RFXAP: variants seen among roughly 807,000 people sequenced by gnomAD.
The protein encoded by RFXAP is regulatory factor X-associated protein.
A neutral mutation model predicts 25.7 loss-of-function variants in RFXAP; 21 were observed. The observed-to-expected ratio is 0.82, with a 90% CI of 0.58 to 1.18. The LOEUF is 1.18. Ranked by LOEUF, RFXAP falls within the 50% of genes most tolerant of loss-of-function variation. RFXAP has a pLI of 0.00. For synonymous variants in RFXAP, 161 were observed against 152.2 expected (o/e 1.06, Z -0.43); for missense variants, 333 against 363.0 (o/e 0.92, Z 0.67).
rs2057975973 is a variant in RFXAP at position 36,825,672 on chromosome 13, T to A, written c.708+137T>A. The A allele has an allele frequency of 5.0e-5, 28 of 560,086 alleles. No individual in the cohort carries two copies. The South Asian group carries it at 6.1e-4, about 12-fold the overall frequency. 34.7% of individuals were successfully genotyped at this position (560,086 alleles called of 1,614,324 possible). On this transcript the variant is annotated intron_variant, in intron 2 of 2. Coordinates refer to ENST00000255476, the MANE Select transcript of RFXAP (RefSeq NM_000538.4). ...ATAAATTCCTAATAAGTCAAAATTT[T>A]AAAAAAAGAATCGGAACTTTACCTC...
intron 1 of RFXAP, among the ~76,000 whole-genome samples, chr13:36,822,082 CT>C (rs931440843): frequency 3.3e-5 from 5 of 151,408 alleles, no homozygotes; most frequent in African/African-American, 1.2e-4. Flanking sequence ...AAAAATAATA[CT>C]TTTTTTCTTT....
chr13:36,825,385 A>ACGT, intron 1 of RFXAP, 43 bp from the exon 2 acceptor site: 1 of 1,339,628 alleles, frequency 7.5e-7, no homozygotes, highest in East Asian at 2.3e-5. Context: ...ATGACTTATT[A>ACGT]CGTTAACTGT....
chr13:36,819,270 T>G lies in RFXAP; in HGVS notation c.-88T>G. 5.1e-6 allele frequency: 6 copies of G among 1,172,672 alleles called. No homozygotes were observed. Among genetic ancestry groups the G allele is most frequent in the Non-Finnish European group, 6.4e-6 (6 of 938,312 alleles). 72.6% of individuals were successfully genotyped at this position (1,172,672 alleles called of 1,614,324 possible). On this transcript the variant is annotated 5_prime_UTR_variant, in exon 1 of 3. Coordinates refer to ENST00000255476, the MANE Select transcript of RFXAP (RefSeq NM_000538.4). ...GGTATAGGCGCCTTTTACCCCAGCG[T>G]GTCCTGAGTCTTTGGTTCGCGAAGT...
At chr13:36,823,507 ATGG>A (rs1292692671) in intron 1 of RFXAP, among the ~76,000 whole-genome samples, 3 of 152,162 alleles carry the variant, frequency 2.0e-5, no homozygotes, top group African/African-American at 7.2e-5. Context: ...TCCTACCCTG[ATGG>A]AGTGGGTTAA....
At position 36,819,589 on chromosome 13, in the gene RFXAP, G is replaced by A. The variant is rs777571548; in HGVS notation, c.232G>A (p.Ala78Thr). ...GKPVRYLCEG[A>T]GDGEEEAGED... ...GCCCGTTAGGTACCTGTGCGAAGGGGCCGGGGATGGCGAAGAGGAGGCTGG... is the reference window on the plus strand; with the variant it reads ...GCCCGTTAGGTACCTGTGCGAAGGGACCGGGGATGGCGAAGAGGAGGCTGG... Residue 78 changes from alanine (A) to threonine (T), a missense_variant, in exon 1 of 3, where the codon GCC becomes ACC. Physicochemically the swap from Ala to Thr is moderately conservative, Grantham distance 58 (BLOSUM62 0). Coordinates refer to ENST00000255476, the MANE Select transcript of RFXAP (RefSeq NM_000538.4). 3.9e-6 allele frequency: 6 copies of A among 1,535,274 alleles called. No individual in the cohort carries two copies. The highest frequency in any genetic ancestry group is 2.0e-5 in the Admixed American group (1 of 49,380).
At chr13:36,821,667 C>G (rs924491096) in intron 1 of RFXAP, among the ~76,000 whole-genome samples, 3 of 151,996 alleles carry the variant, frequency 2.0e-5, no homozygotes, top group Non-Finnish European at 4.4e-5. Context: ...GTCTCAAAAA[C>G]AAAAAGTATA....
chr13:36,826,562 T>C (rs2057978568), intron 2 of RFXAP, among the ~76,000 whole-genome samples: 1 of 152,276 alleles, frequency 6.6e-6, no homozygotes, highest in Non-Finnish European at 1.5e-5. Context: ...ACATTTAATA[T>C]GAAGACATTT....
intron 1 of RFXAP, among the ~76,000 whole-genome samples, chr13:36,821,702 G>T (rs533430057): frequency 6.6e-6 from 1 of 152,238 alleles, no homozygotes; most frequent in South Asian, 2.1e-4. Context: ...TCTAAAATTT[G>T]CAGTTGCCAG....
chr13:36,825,684 C>A, intron 2 of RFXAP, 149 bp downstream of exon 2: 1 of 530,770 alleles, frequency 1.9e-6, no homozygotes, highest in Non-Finnish European at 3.3e-6. Context: ...AAAAAAGAAT[C>A]GGAACTTTAC....
rs773058253 is a variant in RFXAP at position 36,825,532 on chromosome 13, A to T, written c.705A>T (p.Arg235Ser). ...TAGAACAAGTGTTAAATCAAAAAAG[A>T]CTGGTAAATATCTGTTTGTAAATCA... ...TLLEQVLNQK[R>S]LSLLRSPEVV... Residue 235 changes from arginine (R) to serine (S), a missense_variant, in exon 2 of 3, where the codon AGA becomes AGT. By Grantham distance (110) the Arg-to-Ser change is moderately radical (BLOSUM62 -1). Transcript: ENST00000255476. 6.3e-7 allele frequency: 1 copy of T among 1,592,190 alleles called. No homozygotes were observed. Among genetic ancestry groups the T allele is most frequent in the East Asian group, 2.2e-5 (1 of 44,698 alleles).
In RFXAP at chr13:36,821,214, TA is replaced by T. The variant is rs10573140; in HGVS notation, c.600+1285del. Among the ~76,000 whole-genome samples the T allele has an allele frequency of 1.5e-3, 154 of 104,820 alleles. 1 individual carries two copies. The highest frequency in any genetic ancestry group is 4.3e-3 in the African/African-American group (115 of 26,480). 68.8% of individuals were successfully genotyped at this position (104,820 alleles called of 152,430 possible). A position where few individuals can be genotyped will look rare whatever the true frequency, so the allele number is the denominator to read the frequency against. On this transcript the variant is annotated intron_variant, in intron 1 of 2. Transcript: ENST00000255476. ...ATGACATAGCAAGACCCTGTCTCCT[TA>T]AAAAAAAAAAAAAAAAAAAAAAAAA...
chr13:36,825,186 G>T (rs1279769904), intron 1 of RFXAP, among the ~76,000 whole-genome samples: 1 of 152,082 alleles, frequency 6.6e-6, no homozygotes, highest in African/African-American at 2.4e-5. Flanking sequence ...TTTGAGACCT[G>T]CCAAGAGACT....
At chr13:36,823,022 G>A (rs994152515) in intron 1 of RFXAP, among the ~76,000 whole-genome samples, 5 of 152,172 alleles carry the variant, frequency 3.3e-5, no homozygotes, top group Non-Finnish European at 5.9e-5. Flanking sequence ...AATAGTTTAC[G>A]CTTAATGAGC....
At chr13:36,820,073 C>A in intron 1 of RFXAP, 116 bp downstream of exon 1, 1 of 1,441,874 alleles carries the variant, frequency 6.9e-7, no homozygotes, top group Non-Finnish European at 9.5e-7. Context: ...TTTGCAGTGA[C>A]TGGGTTAGTG....
In RFXAP at chr13:36,819,392, C is replaced by G; in HGVS notation, c.35C>G (p.Pro12Arg). 1.5e-6 allele frequency: 2 copies of G among 1,301,532 alleles called. No homozygotes were observed. The highest frequency in any genetic ancestry group is 1.9e-6 in the Non-Finnish European group (2 of 1,030,884). 80.6% of individuals were successfully genotyped at this position (1,301,532 alleles called of 1,614,324 possible). A position where few individuals can be genotyped will look rare whatever the true frequency, so the allele number is the denominator to read the frequency against. The stretch of plus-strand genomic sequence containing the variant: ...CAGGGTGTAGCGGAGGGCGCGGGGC[C>G]GGGCGCCGCCAGCGGCGTGCCCCAC... ...EAQGVAEGAG[P>R]GAASGVPHPA... Residue 12 changes from proline (P) to arginine (R), a missense_variant, in exon 1 of 3, where the codon CCG (proline) becomes CGG (arginine). Pro to Arg is a moderately radical substitution (Grantham distance 103). Coordinates refer to ENST00000255476, the MANE Select transcript of RFXAP (RefSeq NM_000538.4).
In RFXAP at chr13:36,823,412, G is replaced by T. The variant is rs1194777414; in HGVS notation, c.601-2016G>T. ...AATTTGGAAAGATAGGTTGAAGCCA[G>T]TTTTTTATAGTATTGAATGCCAGGC... On this transcript the variant is annotated intron_variant, in intron 1 of 2. Coordinates refer to ENST00000255476, the MANE Select transcript of RFXAP (RefSeq NM_000538.4). Among the ~76,000 whole-genome samples, 4 of 152,314 alleles carry T rather than the reference G, an allele frequency of 2.6e-5. No homozygotes were observed. The East Asian group carries it at 7.7e-4, about 29-fold the overall frequency.
chr13:36,819,431 C>T lies in RFXAP; in HGVS notation c.74C>T (p.Ala25Val). ...ASGVPHPAAL[A>V]PAAAPTLAPA... ...GGCGTGCCCCACCCCGCGGCCCTAGCCCCGGCTGCGGCTCCCACCTTGGCG... is the reference window on the plus strand; with the variant it reads ...GGCGTGCCCCACCCCGCGGCCCTAGTCCCGGCTGCGGCTCCCACCTTGGCG... Residue 25 changes from alanine (A) to valine (V), a missense_variant, in exon 1 of 3, where the codon GCC becomes GTC. Ala to Val is a moderately conservative substitution (Grantham distance 64). Transcript: ENST00000255476. 6.9e-7 allele frequency: 1 copy of T among 1,444,920 alleles called. No homozygotes were observed. Among genetic ancestry groups the T allele is most frequent in the Non-Finnish European group, 9.1e-7 (1 of 1,100,490 alleles). 89.5% of individuals were successfully genotyped at this position (1,444,920 alleles called of 1,614,324 possible).
intron 1 of RFXAP, among the ~76,000 whole-genome samples, chr13:36,825,036 G>A (rs1227133313): frequency 6.6e-6 from 1 of 152,130 alleles, no homozygotes; most frequent in Non-Finnish European, 1.5e-5. Context: ...GGCCTGGATA[G>A]CATTATATAA....
At chr13:36,824,201 G>A (rs183871160) in intron 1 of RFXAP, among the ~76,000 whole-genome samples, 195 of 152,228 alleles carry the variant, frequency 1.3e-3, no homozygotes, top group African/African-American at 4.5e-3. Context: ...AGGGCAGAGG[G>A]TACTGTACCA....
Sources: gnomAD v4.1 joint callset for allele counts (sites outside exome capture counted in the v4.1 genomes callset) on GRCh38, gnomAD v4.1.1 for gene constraint, MANE v1.5 for transcripts, NCBI Gene and HGNC (gene_info 2026-07-23, HGNC 2026-07-21) for gene names.